The following SIL1 variants were observed in gnomAD, a reference collection of about 807,000 sequenced individuals.
SIL1 encodes the protein SIL1 nucleotide exchange factor.
SIL1 carries 40 observed loss-of-function variants against 49.1 expected under a neutral mutation model. The ratio of observed to expected loss-of-function variants is 0.81; its 90% CI spans 0.63 to 1.06. The LOEUF (loss-of-function observed/expected upper bound fraction) is 1.06, where lower values mean the gene tolerates loss of function less well. Ranked by LOEUF, SIL1 falls within the 50% of genes least tolerant of loss-of-function variation. SIL1 has a pLI of 0.00. For missense variants in SIL1, 500 were observed against 572.6 expected (o/e 0.87, Z 1.29); for synonymous variants, 253 against 250.8 (o/e 1.01, Z -0.08).
intron 7 of SIL1, among the ~76,000 whole-genome samples, chr5:138,987,750 A>G (rs1767676476): frequency 6.6e-6 from 1 of 152,262 alleles, no homozygotes; most frequent in Admixed American, 6.5e-5. Context: ...GACCATGGAA[A>G]GGGCCACGGC....
At chr5:139,119,971 C>A (rs2151792703) in intron 3 of SIL1, among the ~76,000 whole-genome samples, 1 of 152,310 alleles carries the variant, frequency 6.6e-6, no homozygotes, top group South Asian at 2.1e-4. Context: ...CTAAAAGTTC[C>A]CTCTGCTCAA....
In SIL1 at chr5:138,947,182, C is replaced by T. The variant is rs779649580; in HGVS notation, c.1321G>A (p.Glu441Lys). The change falls in exon 10 of 10, where the codon GAG becomes AAG. Residue 441 changes from glutamate to lysine, a missense_variant. By Grantham distance (56) the Glu-to-Lys change is moderately conservative. Transcript: ENST00000394817. The surrounding 1 kb of genome is among the most constrained non-coding windows in gnomAD (Gnocchi z 4.1). ...VLASLELQDG[E>K]DEGYFQELLG... ...AGCTCCTGGAAGTAGCCCTCGTCCT[C>T]ACCATCCTGCAGCTCCAGGCTGGCC... The T allele has an allele frequency of 3.4e-5, 55 of 1,613,512 alleles. No individual in the cohort carries two copies. Among genetic ancestry groups the T allele is most frequent in the Non-Finnish European group, 4.0e-5 (47 of 1,179,924 alleles).
At chr5:139,184,769 T>A (rs1208994573) in intron 1 of SIL1, among the ~76,000 whole-genome samples, 2 of 152,202 alleles carry the variant, frequency 1.3e-5, no homozygotes, top group East Asian at 3.8e-4. Flanking sequence ...GCACATACTT[T>A]ACACCTGATT....
intron 2 of SIL1, among the ~76,000 whole-genome samples, chr5:139,127,289 C>G (rs930118315): frequency 1.3e-5 from 2 of 152,166 alleles, no homozygotes; most frequent in African/African-American, 4.8e-5. Context: ...AGGCACTCAG[C>G]TTTTGGGAAG....
At chr5:139,060,665 A>G (rs1455657061) in intron 3 of SIL1, among the ~76,000 whole-genome samples, 1 of 152,174 alleles carries the variant, frequency 6.6e-6, no homozygotes, top group Non-Finnish European at 1.5e-5. Flanking sequence ...TAGTATATAA[A>G]TTATATCTCG....
chr5:139,093,525 G>A (rs1042169984), intron 3 of SIL1, among the ~76,000 whole-genome samples: 2 of 152,194 alleles, frequency 1.3e-5, no homozygotes, highest in Non-Finnish European at 2.9e-5. Flanking sequence ...CCATTGCGCT[G>A]AGGATAGAAG....
At chr5:139,106,900 A>G (rs946342594) in intron 3 of SIL1, among the ~76,000 whole-genome samples, 6 of 152,266 alleles carry the variant, frequency 3.9e-5, no homozygotes, top group Non-Finnish European at 7.3e-5. Context: ...CTTTCTCTGG[A>G]TGATCAAACA....
chr5:139,010,747 T>TG (rs1195914363), intron 7 of SIL1, among the ~76,000 whole-genome samples: 2 of 150,044 alleles, frequency 1.3e-5, no homozygotes, highest in Admixed American at 6.7e-5. Context: ...GTGCCCCTGC[T>TG]GGGGGGTGCC....
intron 1 of SIL1, among the ~76,000 whole-genome samples, chr5:139,189,638 A>C (rs1752133088): frequency 6.6e-6 from 1 of 152,214 alleles, no homozygotes; most frequent in Non-Finnish European, 1.5e-5. Flanking sequence ...CCTGGTCAAC[A>C]TGGTGAAACC....
chr5:139,095,039 A>G (rs1355486933), intron 3 of SIL1, among the ~76,000 whole-genome samples: 2 of 152,166 alleles, frequency 1.3e-5, no homozygotes. Flanking sequence ...TCATCATACC[A>G]TAGGGTGCAT....
rs550130535 is a variant in SIL1, at chr5:139,030,808, T to C, written c.454-3816A>G. Among the ~76,000 whole-genome samples, 5 of 152,266 alleles carry C rather than the reference T, an allele frequency of 3.3e-5. No homozygotes were observed. The South Asian group carries it at 1.0e-3, about 32-fold the overall frequency. On this transcript the variant is annotated intron_variant, in intron 5 of 9. Transcript: ENST00000394817. ...CCATTGTGCCCGGCATAATTCTAAATGTTTCTAATGTTTTAAATTACAGTG... is the reference window on the plus strand; with the variant it reads ...CCATTGTGCCCGGCATAATTCTAAACGTTTCTAATGTTTTAAATTACAGTG...
At chr5:139,171,252 A>G (rs1278160699) in intron 1 of SIL1, among the ~76,000 whole-genome samples, 4 of 152,194 alleles carry the variant, frequency 2.6e-5, no homozygotes, top group African/African-American at 9.6e-5. Flanking sequence ...GTTTTGTGGA[A>G]TAGAAAGGGG....
At chr5:138,957,658 T>C (rs548733863) in intron 7 of SIL1, among the ~76,000 whole-genome samples, 1 of 152,296 alleles carries the variant, frequency 6.6e-6, no homozygotes, top group South Asian at 2.1e-4. Context: ...GATTCACCAA[T>C]TGTGGACATT....
intron 7 of SIL1, among the ~76,000 whole-genome samples, chr5:138,995,999 T>C (rs1767862594): frequency 6.6e-6 from 1 of 152,252 alleles, no homozygotes; most frequent in African/African-American, 2.4e-5. Flanking sequence ...GCAATAAACA[T>C]GAATATGTGG....
At chr5:139,142,553 C>A (rs371448954) in intron 1 of SIL1, among the ~76,000 whole-genome samples, 1 of 152,208 alleles carries the variant, frequency 6.6e-6, no homozygotes, top group South Asian at 2.1e-4. Context: ...ATGATCATTT[C>A]AATGGATACT....
At chr5:139,029,876 C>G (rs1279876486) in intron 5 of SIL1, among the ~76,000 whole-genome samples, 1 of 151,364 alleles carries the variant, frequency 6.6e-6, no homozygotes, top group Non-Finnish European at 1.5e-5. Flanking sequence ...ACTACTCAGG[C>G]TGAGGTGGGA....
intron 1 of SIL1, among the ~76,000 whole-genome samples, chr5:139,167,690 T>G (rs1010091929): frequency 3.3e-5 from 5 of 152,224 alleles, no homozygotes; most frequent in African/African-American, 1.2e-4. Context: ...AAATGTAGCG[T>G]AGCCTAAGTG....
chr5:139,187,165 G>C (rs571490323), intron 1 of SIL1, among the ~76,000 whole-genome samples: 1 of 152,280 alleles, frequency 6.6e-6, no homozygotes, highest in African/African-American at 2.4e-5. Context: ...GTGTTGCAAT[G>C]GGGATACAGA....
intron 1 of SIL1, among the ~76,000 whole-genome samples, chr5:139,141,341 G>A (rs919941679): frequency 1.3e-5 from 2 of 152,038 alleles, no homozygotes; most frequent in East Asian, 3.8e-4. Flanking sequence ...TATGGACTGT[G>A]GTAATACATA....
Sources: allele counts gnomAD v4.1 joint callset (sites outside exome capture counted in the v4.1 genomes callset), GRCh38; gene constraint gnomAD v4.1.1; non-coding constraint Gnocchi (gnomAD v3.1); transcripts MANE v1.5; gene names NCBI Gene and HGNC (gene_info 2026-07-23, HGNC 2026-07-21).